Variants in BBS9 observed in about 807,000 individuals in gnomAD.
The protein encoded by BBS9 is Bardet-Biedl syndrome 9.
Under a neutral mutation model 117.7 loss-of-function variants are expected in BBS9, and 89 were observed. The observed-to-expected ratio is 0.76, with a 90% confidence interval of 0.64 to 0.90. The LOEUF (loss-of-function observed/expected upper bound fraction) is 0.90, where lower values mean the gene tolerates loss of function less well. Ranked by LOEUF, BBS9 falls within the 40% of genes least tolerant of loss-of-function variation. The pLI, the probability that BBS9 is intolerant of heterozygous loss-of-function variation, is 0.00. For synonymous variants in BBS9, 379 were observed against 370.9 expected, an observed-to-expected ratio of 1.02 and a Z score of -0.25; for missense variants, 982 against 1,042.2, an observed-to-expected ratio of 0.94 and a Z score of 0.80.
rs1326813768 is a variant in BBS9 at position 33,200,076 on chromosome 7, AT to A, written c.442+22488del. 1.5e-4 allele frequency among the ~76,000 whole-genome samples: 22 copies of A among 151,392 alleles called. No homozygotes were observed. The East Asian group carries it at 4.1e-3, about 28-fold the overall frequency. On this transcript the variant is annotated intron_variant, in intron 5 of 22. Coordinates refer to ENST00000242067, the MANE Select transcript of BBS9 (RefSeq NM_198428.3). ...TTGTGTGATCACACCCTATTTTTGG[AT>A]TTATCCTATTTAGATTTTGATGTAC...
Position 33,605,433 on chromosome 7 carries a change from CTTGTT to C in BBS9, c.*211_*215del. 1.6e-6 allele frequency: 1 copy of C among 615,560 alleles called. No homozygotes were observed. Among genetic ancestry groups the C allele is most frequent in the Non-Finnish European group, 2.9e-6 (1 of 343,460 alleles). The allele number at this position is 615,560 out of a possible 1,614,324, so 38.1% of individuals were successfully genotyped here. A position where few individuals can be genotyped will look rare whatever the true frequency, so the allele number is the denominator to read the frequency against. On this transcript the variant is annotated 3_prime_UTR_variant, in exon 23 of 23. Coordinates refer to ENST00000242067, the MANE Select transcript of BBS9 (RefSeq NM_198428.3). ...CATGGGGAAGTCAGCTGAAACTTGT[CTTGTT>C]TTGCCAGGAAAGGAAGTAGTTGCCT... is the stretch of plus-strand genomic sequence containing the variant.
At chr7:33,634,879 G>C (rs1866068657) in intron 21 of BBS9, among the ~76,000 whole-genome samples, 2 of 152,204 alleles carry the variant, frequency 1.3e-5, no homozygotes, top group Admixed American at 1.3e-4. Context: ...TCCAGCCACA[G>C]GCTTAGTCCG....
At chr7:33,485,009 T>G (rs1172591424) in intron 19 of BBS9, among the ~76,000 whole-genome samples, 2 of 152,192 alleles carry the variant, frequency 1.3e-5, no homozygotes, top group Non-Finnish European at 2.9e-5. Context: ...TGGATGGGGC[T>G]AGAAGCCGTT....
At chr7:33,323,833 CTTTTTTTTTTTT>C (rs1227126451) in intron 9 of BBS9, among the ~76,000 whole-genome samples, 1 of 105,166 alleles carries the variant, frequency 9.5e-6, no homozygotes, top group Non-Finnish European at 1.9e-5. Flanking sequence ...TCCTGTCTTC[CTTTTTTTTTTTT>C]TTTTTTTTTT....
intron 19 of BBS9, among the ~76,000 whole-genome samples, chr7:33,488,834 A>G (rs112271472): frequency 6.6e-6 from 1 of 152,110 alleles, no homozygotes; most frequent in Non-Finnish European, 1.5e-5. Context: ...TTTAGAGCTT[A>G]TTTCTGTCCA....
chr7:33,146,500 G>C (rs549262855), intron 2 of BBS9, 136 bp downstream of exon 2: 9 of 695,480 alleles, frequency 1.3e-5, no homozygotes, highest in Admixed American at 8.0e-5. Context: ...AGGAGTACGA[G>C]ACCAGCCTGG....
chr7:33,307,331 GT>G (rs1220518950), intron 9 of BBS9, among the ~76,000 whole-genome samples: 1 of 152,088 alleles, frequency 6.6e-6, no homozygotes, highest in Non-Finnish European at 1.5e-5. Flanking sequence ...GCCAATTCTT[GT>G]TTCTCATTTT....
chr7:33,589,986 G>A (rs376463480), intron 21 of BBS9, among the ~76,000 whole-genome samples: 2 of 152,096 alleles, frequency 1.3e-5, no homozygotes, highest in South Asian at 4.1e-4. Context: ...TACTGAAAAA[G>A]AGCCTGCAGT....
chr7:33,227,146 G>A (rs1393905998), intron 5 of BBS9, among the ~76,000 whole-genome samples: 1 of 151,328 alleles, frequency 6.6e-6, no homozygotes, highest in African/African-American at 2.4e-5. Flanking sequence ...ATTTGTTTAG[G>A]GACCTTACAG....
chr7:33,273,026 A>G lies in BBS9; in HGVS notation c.717A>G (p.Leu239=), dbSNP rs1452372870. 1.2e-6 allele frequency: 2 copies of G among 1,613,732 alleles called. No individual in the cohort carries two copies. Among genetic ancestry groups the G allele is most frequent in the Non-Finnish European group, 1.7e-6 (2 of 1,179,760 alleles). The change falls in exon 8 of 23, where the codon CTA becomes CTG. Residue 239 remains leucine (L), a synonymous_variant. Transcript: ENST00000242067. ...TTGCTTTGTAGGTGGATTGGACTCT[A>G]AATATTGGAGAGCAAGCCCTTGACA... ...SGKRLVVDWT[L]NIGEQALDIC...
intron 21 of BBS9, among the ~76,000 whole-genome samples, chr7:33,589,442 C>G (rs1316478144): frequency 6.6e-6 from 1 of 151,994 alleles, no homozygotes; most frequent in African/African-American, 2.4e-5. Context: ...CTGCAGACAG[C>G]AAAACTGCAG....
chr7:33,212,275 C>T (rs982720726), intron 5 of BBS9, among the ~76,000 whole-genome samples: 1 of 152,072 alleles, frequency 6.6e-6, no homozygotes, highest in African/African-American at 2.4e-5. Context: ...TTTCCTTTGA[C>T]CATGTATTTT....
In BBS9 at chr7:33,435,760, G is replaced by A. The variant is rs568821736; in HGVS notation, c.2115+47616G>A. Among the ~76,000 whole-genome samples the A allele has an allele frequency of 2.3e-4, 35 of 151,896 alleles. No homozygotes were observed. The South Asian group carries it at 3.6e-3, about 15-fold the overall frequency. The stretch of plus-strand genomic sequence containing the variant: ...CATATTTTATGGAGATATATTTTCC[G>A]TAAAGGCCATTCAGTTGGTTCCAGG... On this transcript the variant is annotated intron_variant, in intron 19 of 22. Transcript: ENST00000242067.
At chr7:33,507,623 A>C (rs1405885931) in intron 20 of BBS9, among the ~76,000 whole-genome samples, 1 of 152,182 alleles carries the variant, frequency 6.6e-6, no homozygotes, top group Admixed American at 6.5e-5. Context: ...TCCTTTTTAT[A>C]TCCTCAGTAC....
chr7:33,455,648 G>C (rs2041418), intron 19 of BBS9, among the ~76,000 whole-genome samples: 33,375 of 152,044 alleles, frequency 0.22, 4,818 homozygotes, highest in African/African-American at 0.41. Context: ...GGCATTAGAG[G>C]CTGGAAAACC....
intron 4 of BBS9, among the ~76,000 whole-genome samples, chr7:33,164,309 T>A (rs150970544): frequency 0.017 from 2,575 of 152,302 alleles, 60 homozygotes; most frequent in African/African-American, 0.059. Context: ...TATACTCTGT[T>A]GATTTGGATG....
intron 5 of BBS9, among the ~76,000 whole-genome samples, chr7:33,248,309 G>T (rs946805352): frequency 4.6e-5 from 7 of 152,088 alleles, no homozygotes; most frequent in East Asian, 3.8e-4. Flanking sequence ...TATGCCTAAG[G>T]TTTTAAACTT....
intron 21 of BBS9, among the ~76,000 whole-genome samples, chr7:33,577,178 A>G (rs1859047844): frequency 1.3e-5 from 2 of 152,192 alleles, no homozygotes; most frequent in Non-Finnish European, 2.9e-5. Flanking sequence ...AACATCCAGA[A>G]TCTACAAAGA....
At chr7:33,260,099 A>C (rs1478795078) in intron 6 of BBS9, among the ~76,000 whole-genome samples, 1 of 150,678 alleles carries the variant, frequency 6.6e-6, no homozygotes, top group Admixed American at 6.6e-5. Context: ...TCCCGCGTTC[A>C]AGCAATTGTC....
Sources: gnomAD v4.1 joint callset for allele counts (sites outside exome capture counted in the v4.1 genomes callset) on GRCh38, gnomAD v4.1.1 for gene constraint, MANE v1.5 for transcripts, NCBI Gene and HGNC (gene_info 2026-07-23, HGNC 2026-07-21) for gene names.